CAMK2A: variants seen among roughly 807,000 people sequenced by gnomAD.
CAMK2A encodes calcium/calmodulin-dependent protein kinase type II subunit alpha.
In CAMK2A, 7 loss-of-function variants were observed where a neutral mutation model predicts 79.2. That is an observed-to-expected ratio of 0.09 (90% CI 0.05 to 0.17). The LOEUF is 0.17. Ranked by LOEUF, CAMK2A falls within the 10% of genes least tolerant of loss-of-function variation. CAMK2A has a pLI of 1.00. For synonymous variants in CAMK2A, 242 were observed against 251.7 expected (o/e 0.96, Z 0.36); for missense variants, 214 against 646.4 (o/e 0.33, Z 7.25).
At chr5:150,276,649 T>C (rs1897559) in intron 1 of CAMK2A, among the ~76,000 whole-genome samples, 13,275 of 152,196 alleles carry the variant, frequency 0.087, 748 homozygotes, top group Non-Finnish European at 0.12. Flanking sequence ...GGCAAGGTTC[T>C]GAGAACTCCA....
At chr5:150,265,182 G>A in intron 2 of CAMK2A, 167 bp from the exon 3 acceptor site, 1 of 626,586 alleles carries the variant, frequency 1.6e-6, no homozygotes. Flanking sequence ...AGACCATGGG[G>A]TGCAGTGGAA....
chr5:150,230,714 C>A (rs1754802873), intron 16 of CAMK2A, among the ~76,000 whole-genome samples: 1 of 152,258 alleles, frequency 6.6e-6, no homozygotes, highest in Admixed American at 6.5e-5. Context: ...ACAGCTGCCC[C>A]TCCAAAGGCA....
chr5:150,286,784 G>A lies in CAMK2A; in HGVS notation c.62+2780C>T, dbSNP rs79001693. On this transcript the variant is annotated intron_variant, in intron 1 of 18. Transcript: ENST00000671881. Reference sequence around the variant, plus strand: ...GTTTGGTCAACCTCCTCCCAGCCCCGGATGGGCCAACTCCAGACAAAAGGT... The same window carrying A: ...GTTTGGTCAACCTCCTCCCAGCCCCAGATGGGCCAACTCCAGACAAAAGGT... 3.2e-3 allele frequency among the ~76,000 whole-genome samples: 482 copies of A among 152,238 alleles called. 22 individuals are homozygous for A. In the East Asian group the frequency reaches 0.062, roughly 20 times the overall value.
intron 6 of CAMK2A, among the ~76,000 whole-genome samples, chr5:150,254,896 G>T (rs1360472149): frequency 6.6e-6 from 1 of 152,156 alleles, no homozygotes; most frequent in Non-Finnish European, 1.5e-5. Context: ...GGCTTGGGGA[G>T]GGGCTCAGAG....
chr5:150,287,487 C>G (rs1251193561), intron 1 of CAMK2A, among the ~76,000 whole-genome samples: 1 of 152,206 alleles, frequency 6.6e-6, no homozygotes, highest in Non-Finnish European at 1.5e-5. Context: ...CTCCCTTGCC[C>G]CTGAAATTCT....
intron 4 of CAMK2A, among the ~76,000 whole-genome samples, chr5:150,257,046 TC>T (rs1319365193): frequency 6.6e-6 from 1 of 151,986 alleles, no homozygotes; most frequent in Admixed American, 6.6e-5. Flanking sequence ...TCCTCCTCCA[TC>T]CCCGGCCCTT....
chr5:150,271,938 G>A (rs903380780), intron 2 of CAMK2A, among the ~76,000 whole-genome samples: 8 of 152,284 alleles, frequency 5.3e-5, no homozygotes, highest in Admixed American at 1.3e-4. Flanking sequence ...TGCTGATGTC[G>A]CTGGCCCAGG....
intron 15 of CAMK2A, 63 bp from the exon 16 acceptor site, chr5:150,231,443 T>G: frequency 3.9e-5 from 26 of 663,442 alleles, no homozygotes; most frequent in Non-Finnish European, 4.2e-5. Flanking sequence ...ATAATAATAA[T>G]AGTGATGGTA....
rs1244404498 is a variant in CAMK2A, at chr5:150,278,151, G to A, written c.63-4992C>T. 4.6e-5 allele frequency among the ~76,000 whole-genome samples: 7 copies of A among 152,206 alleles called. No individual in the cohort carries two copies. The East Asian group carries it at 9.7e-4, about 21-fold the overall frequency. ...CCTGGGTTTGTTGGGGAGATTAAGT[G>A]AGGTAACTAGTGCAAAACACTTGGC... On this transcript the variant is annotated intron_variant, in intron 1 of 18. Transcript: ENST00000671881.
chr5:150,277,599 G>C (rs150111747), intron 1 of CAMK2A, among the ~76,000 whole-genome samples: 1 of 152,242 alleles, frequency 6.6e-6, no homozygotes, highest in Non-Finnish European at 1.5e-5. Flanking sequence ...GGTCCATGCC[G>C]TAGATGGGGT....
chr5:150,231,424 A>G (rs1754836596), intron 15 of CAMK2A, 44 bp from the exon 16 acceptor site: 3 of 684,048 alleles, frequency 4.4e-6, no homozygotes, highest in Non-Finnish European at 6.5e-6. Context: ...AATAATAATA[A>G]TAATAATAAT....
chr5:150,222,428 G>C lies in CAMK2A; in HGVS notation c.*282C>G. Reference sequence around the variant, plus strand: ...GATCAGGCGGACAGCAGCTGAGGCTGGGGAGAGGGGGCCAGTGCTGTGGAC... The same window carrying C: ...GATCAGGCGGACAGCAGCTGAGGCTCGGGAGAGGGGGCCAGTGCTGTGGAC... On this transcript the variant is annotated 3_prime_UTR_variant, in exon 19 of 19. Transcript: ENST00000671881. 3 of 686,396 alleles carry C rather than the reference G, an allele frequency of 4.4e-6. No homozygotes were observed. The highest frequency in any genetic ancestry group is 8.0e-6 in the Non-Finnish European group (3 of 376,210). 42.5% of individuals were successfully genotyped at this position (686,396 alleles called of 1,614,324 possible). A position where few individuals can be genotyped will look rare whatever the true frequency, so the allele number is the denominator to read the frequency against.
At chr5:150,259,258 C>T (rs1259412495) in intron 3 of CAMK2A, among the ~76,000 whole-genome samples, 1 of 151,484 alleles carries the variant, frequency 6.6e-6, no homozygotes, top group Non-Finnish European at 1.5e-5. Context: ...CGGTGGCTCA[C>T]CCTGTAATCC....
intron 2 of CAMK2A, among the ~76,000 whole-genome samples, chr5:150,266,690 A>T (rs1756526372): frequency 6.6e-6 from 1 of 152,210 alleles, no homozygotes; most frequent in Non-Finnish European, 1.5e-5. Context: ...TGGGCTTTCA[A>T]TCCTGGGCTA....
chr5:150,252,834 G>A (rs1755892751), intron 7 of CAMK2A, among the ~76,000 whole-genome samples: 1 of 152,180 alleles, frequency 6.6e-6, no homozygotes, highest in South Asian at 2.1e-4. Context: ...GCACAGAGAG[G>A]TGAAGTGACT....
rs924093830 is a variant in CAMK2A at position 150,221,819 on chromosome 5, T to C, written c.*891A>G. Reference sequence around the variant, plus strand: ...CCCTCTTCCTACACCCCTTCCAACCTGACCCTTCTCACAATAATCTGAGAA... The same window carrying C: ...CCCTCTTCCTACACCCCTTCCAACCCGACCCTTCTCACAATAATCTGAGAA... On this transcript the variant is annotated 3_prime_UTR_variant, in exon 19 of 19. Transcript: ENST00000671881. 1 of 390,478 alleles carries C rather than the reference T, an allele frequency of 2.6e-6. No homozygotes were observed. Among genetic ancestry groups the C allele is most frequent in the Admixed American group, 4.4e-5 (1 of 22,488 alleles). The allele number at this position is 390,478 out of a possible 1,614,324, so 24.2% of individuals were successfully genotyped here. A position where few individuals can be genotyped will look rare whatever the true frequency, so the allele number is the denominator to read the frequency against.
At chr5:150,230,317 CAAAAAAAA>C (rs1216883745) in intron 16 of CAMK2A, among the ~76,000 whole-genome samples, 2 of 60,642 alleles carry the variant, frequency 3.3e-5, no homozygotes, top group Non-Finnish European at 5.9e-5. Flanking sequence ...GACTCCGTCT[CAAAAAAAA>C]AAAAAAAAAA....
chr5:150,276,114 G>A (rs536220182), intron 1 of CAMK2A, among the ~76,000 whole-genome samples: 78 of 152,226 alleles, frequency 5.1e-4, no homozygotes, highest in Non-Finnish European at 1.0e-3. Flanking sequence ...CCAAATATTA[G>A]AACAAAAGAT....
At chr5:150,234,498 A>C (rs765467531) in intron 15 of CAMK2A, among the ~76,000 whole-genome samples, 2 of 152,214 alleles carry the variant, frequency 1.3e-5, no homozygotes, top group Non-Finnish European at 2.9e-5. Context: ...TGAGTTAAGA[A>C]TATGTCAATA....
Sources: allele counts gnomAD v4.1 joint callset (sites outside exome capture counted in the v4.1 genomes callset), GRCh38; gene constraint gnomAD v4.1.1; transcripts MANE v1.5; gene names NCBI Gene and HGNC (gene_info 2026-07-23, HGNC 2026-07-21).